The following MTA3 variants were observed in gnomAD, a reference collection of about 807,000 sequenced individuals.
MTA3 encodes metastasis-associated protein MTA3.
MTA3 carries 34 observed loss-of-function variants against 83.5 expected under a neutral mutation model. The ratio of observed to expected loss-of-function variants is 0.41; its 90% CI spans 0.31 to 0.54. The LOEUF (loss-of-function observed/expected upper bound fraction) is 0.54, where lower values mean the gene tolerates loss of function less well. Among genes scored for constraint, MTA3 ranks in the 20% least tolerant of loss-of-function variants. MTA3 has a pLI of 0.33. For missense variants in MTA3, 761 were observed against 726.4 expected (o/e 1.05, Z -0.55); for synonymous variants, 303 against 252.7 (o/e 1.20, Z -1.89).
chr2:42,618,058 C>T (rs142092500), intron 4 of MTA3, among the ~76,000 whole-genome samples: 2 of 152,158 alleles, frequency 1.3e-5, no homozygotes, highest in East Asian at 3.9e-4. Context: ...GATCCTCCCA[C>T]CTCAGCCTTC....
At chr2:42,526,590 C>G (rs912103845) in intron 2 of MTA3, among the ~76,000 whole-genome samples, 1 of 152,150 alleles carries the variant, frequency 6.6e-6, no homozygotes, top group Non-Finnish European at 1.5e-5. Flanking sequence ...CTCTATGATC[C>G]CCTATTTTGG....
chr2:42,648,526 C>T (rs1688422673), intron 6 of MTA3, among the ~76,000 whole-genome samples: 1 of 152,172 alleles, frequency 6.6e-6, no homozygotes, highest in South Asian at 2.1e-4. Context: ...GGATAGGATA[C>T]TGAGAGATTG....
At position 42,635,602 on chromosome 2, in the gene MTA3, C is replaced by T. The variant is rs2104278966; in HGVS notation, c.318-4571C>T. 2.0e-5 allele frequency among the ~76,000 whole-genome samples: 3 copies of T among 152,008 alleles called. No individual in the cohort carries two copies. The Middle Eastern group carries it at 0.01, about 521-fold the overall frequency. On this transcript the variant is annotated intron_variant, in intron 4 of 16. Transcript: ENST00000405094. ...TAAGATCACACCACTTGCACTCCAG[C>T]CTGGGCAACAGAGCGAGACTCTATC...
At chr2:42,521,392 C>G (rs1361686512) in intron 2 of MTA3, among the ~76,000 whole-genome samples, 2 of 152,142 alleles carry the variant, frequency 1.3e-5, no homozygotes, top group East Asian at 3.8e-4. Flanking sequence ...AGACCCTGAG[C>G]CAGGGGCAAA....
At chr2:42,614,707 G>GC (rs1218311730) in intron 4 of MTA3, among the ~76,000 whole-genome samples, 1 of 152,056 alleles carries the variant, frequency 6.6e-6, no homozygotes, top group Non-Finnish European at 1.5e-5. Flanking sequence ...GGGTGCAGTG[G>GC]CTCATGCCTG....
At chr2:42,639,266 T>C (rs1687485055) in intron 4 of MTA3, among the ~76,000 whole-genome samples, 2 of 152,080 alleles carry the variant, frequency 1.3e-5, no homozygotes, top group African/African-American at 4.8e-5. Context: ...GATATATTTG[T>C]TTTTGCATGT....
chr2:42,693,095 TCTCCC>T (rs1310826211), intron 9 of MTA3, among the ~76,000 whole-genome samples: 1 of 151,892 alleles, frequency 6.6e-6, no homozygotes, highest in Non-Finnish European at 1.5e-5. Context: ...TCCCTCTCCC[TCTCCC>T]TCTTCCCCTC....
At chr2:42,687,050 C>T (rs1692440608) in intron 9 of MTA3, among the ~76,000 whole-genome samples, 1 of 151,994 alleles carries the variant, frequency 6.6e-6, no homozygotes, top group Non-Finnish European at 1.5e-5. Flanking sequence ...TTGCTTGAAC[C>T]CAGGAGGCAG....
At chr2:42,564,266 T>C (rs1677808098), upstream of MTA3, among the ~76,000 whole-genome samples, 1 of 152,202 alleles carries the variant, frequency 6.6e-6, no homozygotes. Flanking sequence ...AGAAGGAACC[T>C]TCTTGTGGAA....
chr2:42,593,225 A>G (rs1299883491), intron 3 of MTA3, among the ~76,000 whole-genome samples: 1 of 150,434 alleles, frequency 6.6e-6, no homozygotes, highest in Non-Finnish European at 1.5e-5. Context: ...AGTGGCTCAC[A>G]CCTGTAATCT....
chr2:42,545,549 A>G (rs544351744), intron 2 of MTA3, among the ~76,000 whole-genome samples: 1 of 152,224 alleles, frequency 6.6e-6, no homozygotes, highest in African/African-American at 2.4e-5. Flanking sequence ...GGAGTTAAAA[A>G]TGTGTGAGTG....
At chr2:42,644,335 G>T (rs1687966659) in intron 6 of MTA3, 91 bp downstream of exon 6, 2 of 748,590 alleles carry the variant, frequency 2.7e-6, no homozygotes, top group South Asian at 3.9e-5. Context: ...GCAATGTTCA[G>T]GGCAAAGTCT....
intron 4 of MTA3, among the ~76,000 whole-genome samples, chr2:42,614,398 G>C (rs1485600740): frequency 2.6e-5 from 4 of 152,142 alleles, no homozygotes; most frequent in Non-Finnish European, 5.9e-5. Flanking sequence ...CGCCCAGCCT[G>C]ATAGATTTTC....
chr2:42,650,331 G>A (rs1422355161), intron 6 of MTA3, among the ~76,000 whole-genome samples: 1 of 152,158 alleles, frequency 6.6e-6, no homozygotes, highest in Non-Finnish European at 1.5e-5. Context: ...TTCAATAAAT[G>A]TTAGCTAATA....
At position 42,708,956 on chromosome 2, in the gene MTA3, T is replaced by G. The variant is rs758908828; in HGVS notation, c.1385T>G (p.Val462Gly). The G allele has an allele frequency of 6.2e-7, 1 of 1,614,038 alleles. No homozygotes were observed. Among genetic ancestry groups the G allele is most frequent in the Non-Finnish European group, 8.5e-7 (1 of 1,179,900 alleles). The change falls in exon 14 of 17, where the codon GTG becomes GGG. Residue 462 changes from valine (V) to glycine (G), a missense_variant. Val to Gly is a moderately radical substitution (Grantham distance 109). Coordinates refer to ENST00000405094, the MANE Select transcript of MTA3 (RefSeq NM_001330442.2). ...AACACTGGGAGTCCAAAGTCTGCAG[T>G]GAAGACCCGCCAAGCTTTCTTCCTT... ...VRNTGSPKSA[V>G]KTRQAFFLHT...
intron 2 of MTA3, among the ~76,000 whole-genome samples, chr2:42,497,027 G>A (rs552948914): frequency 1.3e-5 from 2 of 152,162 alleles, no homozygotes; most frequent in African/African-American, 4.8e-5. Context: ...CCAACATGGT[G>A]AAACCCGTTT....
At chr2:42,723,071 T>A (rs1480073411) in intron 16 of MTA3, 36 bp downstream of exon 16, 1 of 1,546,300 alleles carries the variant, frequency 6.5e-7, no homozygotes, top group Non-Finnish European at 8.7e-7. Context: ...GCTGTTCTGA[T>A]AGAGTGCCTT....
intron 3 of MTA3, among the ~76,000 whole-genome samples, chr2:42,580,252 A>G (rs1679466707): frequency 6.6e-6 from 1 of 152,026 alleles, no homozygotes; most frequent in South Asian, 2.1e-4. Flanking sequence ...AAGTGCTGGG[A>G]TTATTGGTGT....
At chr2:42,512,278 T>C (rs1355593460) in intron 2 of MTA3, among the ~76,000 whole-genome samples, 1 of 152,072 alleles carries the variant, frequency 6.6e-6, no homozygotes, top group East Asian at 1.9e-4. Flanking sequence ...AAAAAGAGCC[T>C]ATGGCTCAGC....
Sources: allele counts gnomAD v4.1 joint callset (sites outside exome capture counted in the v4.1 genomes callset), GRCh38; gene constraint gnomAD v4.1.1; transcripts MANE v1.5; gene names NCBI Gene and HGNC (gene_info 2026-07-23, HGNC 2026-07-21).